USP32: variants seen among roughly 807,000 people sequenced by gnomAD.
USP32 encodes ubiquitin specific peptidase 32.
A neutral mutation model predicts 204.8 loss-of-function variants in USP32; 59 were observed. The ratio of observed to expected loss-of-function variants is 0.29; its 90% CI spans 0.23 to 0.36. The LOEUF (loss-of-function observed/expected upper bound fraction) is 0.36. Among genes scored for constraint, USP32 ranks in the 10% least tolerant of loss-of-function variants. The probability of loss-of-function intolerance (pLI) is 1.00; values close to 1 mark genes in which losing one functional copy is unlikely to be tolerated. For synonymous variants in USP32, 517 were observed against 678.4 expected (o/e 0.76, Z 3.70); for missense variants, 1,160 against 1,946.4 (o/e 0.60, Z 7.60).
At chr17:60,298,947 A>T (rs2087505530) in intron 3 of USP32, among the ~76,000 whole-genome samples, 1 of 152,136 alleles carries the variant, frequency 6.6e-6, no homozygotes, top group Non-Finnish European at 1.5e-5. Flanking sequence ...ACCTAGCAAG[A>T]CCCTATCTCT....
intron 2 of USP32, among the ~76,000 whole-genome samples, chr17:60,311,751 G>A (rs1245185427): frequency 6.6e-6 from 1 of 152,194 alleles, no homozygotes; most frequent in African/African-American, 2.4e-5. Flanking sequence ...CTTAAACCCA[G>A]GAGGCGCACG....
At chr17:60,300,393 T>G (rs1432595443) in intron 3 of USP32, among the ~76,000 whole-genome samples, 1 of 152,174 alleles carries the variant, frequency 6.6e-6, no homozygotes. Flanking sequence ...ACTAAGCAAC[T>G]AAGATTATCT....
rs531004211 is a variant in USP32 at position 60,295,242 on chromosome 17, A to G, written c.293-441T>C. 2.7e-3 allele frequency among the ~76,000 whole-genome samples: 359 copies of G among 132,768 alleles called. 2 individuals are homozygous for G. The highest frequency in any genetic ancestry group is 0.013 in the African/African-American group (312 of 24,310). 87.1% of individuals were successfully genotyped at this position (132,768 alleles called of 152,430 possible). ...ACTGTTTGTAAGAGCAAAACTTCGA[A>G]AAAAAAAAAAGATAAATGTCTGTCA... is the stretch of plus-strand genomic sequence containing the variant. On this transcript the variant is annotated intron_variant, in intron 3 of 33. Transcript: ENST00000300896.
At chr17:60,241,422 TA>T (rs1280954961) in intron 11 of USP32, among the ~76,000 whole-genome samples, 2 of 148,706 alleles carry the variant, frequency 1.3e-5, no homozygotes, top group East Asian at 1.9e-4. Context: ...TACAGGCTTT[TA>T]AAAAATTATT....
rs144699678 is a variant in USP32, at chr17:60,341,864, G to T, written c.186+3617C>A. On this transcript the variant is annotated intron_variant, in intron 2 of 33. Coordinates refer to ENST00000300896, the MANE Select transcript of USP32 (RefSeq NM_032582.4). ...GGGTTCGAACATACTCCTTTAGCTC[G>T]GAGAAGTTTGTTATTACCAACCTTC... is the stretch of plus-strand genomic sequence containing the variant. 9.3e-3 allele frequency among the ~76,000 whole-genome samples: 1,411 copies of T among 152,144 alleles called. 11 individuals are homozygous for T. Among genetic ancestry groups the T allele is most frequent in the Middle Eastern group, 0.031 (9 of 294 alleles).
chr17:60,304,014 T>C (rs185522079), intron 2 of USP32, among the ~76,000 whole-genome samples: 1 of 151,568 alleles, frequency 6.6e-6, no homozygotes, highest in Non-Finnish European at 1.5e-5. Flanking sequence ...GGAGATAAGG[T>C]TGGGGATTTT....
At chr17:60,248,641 T>A (rs530634877) in intron 11 of USP32, among the ~76,000 whole-genome samples, 36 of 152,346 alleles carry the variant, frequency 2.4e-4, no homozygotes, top group Non-Finnish European at 3.7e-4. Flanking sequence ...GAATTTCTAT[T>A]TGATTCTGTT....
chr17:60,389,067 A>G (rs2089782883), intron 1 of USP32, among the ~76,000 whole-genome samples: 1 of 152,162 alleles, frequency 6.6e-6, no homozygotes. Flanking sequence ...GTATTTCTGT[A>G]GTTTTGTCAA....
intron 11 of USP32, among the ~76,000 whole-genome samples, chr17:60,238,228 C>T (rs1352643769): frequency 6.6e-6 from 1 of 152,062 alleles, no homozygotes; most frequent in African/African-American, 2.4e-5. Flanking sequence ...TTTTAGGTGT[C>T]TATTTTTAAA....
chr17:60,201,607 A>T (rs2084676391), intron 26 of USP32, among the ~76,000 whole-genome samples: 1 of 151,678 alleles, frequency 6.6e-6, no homozygotes, highest in East Asian at 1.9e-4. Flanking sequence ...GAGTGCACTG[A>T]TATCATAATA....
chr17:60,232,475 AATTTTTTTTT>A (rs2085592116), intron 12 of USP32, among the ~76,000 whole-genome samples: 1 of 136,786 alleles, frequency 7.3e-6, no homozygotes, highest in African/African-American at 3.3e-5. Context: ...ACCTGGCCCA[AATTTTTTTTT>A]TTTTTTTTTT....
intron 4 of USP32, among the ~76,000 whole-genome samples, chr17:60,290,560 T>C (rs1330882788): frequency 1.3e-5 from 2 of 152,196 alleles, no homozygotes; most frequent in Non-Finnish European, 2.9e-5. Context: ...TTAAAATCAA[T>C]AGCATCCTTT....
intron 1 of USP32, among the ~76,000 whole-genome samples, chr17:60,355,361 A>G (rs1244530474): frequency 6.6e-6 from 1 of 152,176 alleles, no homozygotes; most frequent in Non-Finnish European, 1.5e-5. Context: ...GCAAGGACAC[A>G]TGACTTTTGT....
intron 1 of USP32, among the ~76,000 whole-genome samples, chr17:60,363,779 G>A (rs1421312554): frequency 6.6e-6 from 1 of 151,708 alleles, no homozygotes; most frequent in East Asian, 2.0e-4. Flanking sequence ...GATTATACAC[G>A]TGAGCCACTG....
chr17:60,383,303 G>A (rs1245374440), intron 1 of USP32, among the ~76,000 whole-genome samples: 1 of 151,636 alleles, frequency 6.6e-6, no homozygotes, highest in African/African-American at 2.4e-5. Flanking sequence ...GAAATTTTGA[G>A]GTGGATACAT....
At chr17:60,372,181 A>G (rs973089103) in intron 1 of USP32, among the ~76,000 whole-genome samples, 1 of 152,200 alleles carries the variant, frequency 6.6e-6, no homozygotes, top group African/African-American at 2.4e-5. Context: ...AAGATCAACT[A>G]AAAGAATACA....
At chr17:60,405,254 G>T (rs2089966722) in intron 1 of USP32, among the ~76,000 whole-genome samples, 1 of 152,116 alleles carries the variant, frequency 6.6e-6, no homozygotes, top group South Asian at 2.1e-4. Context: ...CCAGGCTGGA[G>T]TGCAGTGGCT....
At position 60,410,799 on chromosome 17, in the gene USP32, G is replaced by A. The variant is rs116747744; in HGVS notation, c.106+11447C>T. On this transcript the variant is annotated intron_variant, in intron 1 of 3. Transcript: ENST00000588898. ...ACATAGGTTAGAAATAGAAACTGTC[G>A]GCTGGGTGCGGTGGCTCACGCCTAT... 4.3e-3 allele frequency among the ~76,000 whole-genome samples: 658 copies of A among 151,838 alleles called. 10 individuals are homozygous for A. The highest frequency in any genetic ancestry group is 0.015 in the African/African-American group (609 of 41,402).
chr17:60,258,778 T>C (rs1208532129), intron 9 of USP32, among the ~76,000 whole-genome samples: 2 of 152,224 alleles, frequency 1.3e-5, no homozygotes, highest in Non-Finnish European at 2.9e-5. Context: ...TGAAGATAAA[T>C]TGCCATAATA....
Sources: allele counts gnomAD v4.1 joint callset (sites outside exome capture counted in the v4.1 genomes callset), GRCh38; gene constraint gnomAD v4.1.1; transcripts MANE v1.5; gene names NCBI Gene and HGNC (gene_info 2026-07-23, HGNC 2026-07-21).